The following SPACA6 variants were observed in gnomAD, a reference collection of about 807,000 sequenced individuals.
SPACA6 encodes sperm acrosome associated 6, also known as sperm acrosome membrane-associated protein 6.
For synonymous variants in SPACA6, 6 were observed against 1.5 expected (o/e 4.05, Z -2.21); for missense variants, 8 against 2.8 (o/e 2.88, Z -1.34).
chr19:51,693,232 A>G (rs1487600755), upstream of SPACA6: 8 of 646,112 alleles, frequency 1.2e-5, no homozygotes, highest in Admixed American at 1.0e-4. Context: ...CCCAGGGTCT[A>G]CCGGGCCACC....
At chr19:51,710,170 C>A (rs1225118073), downstream of SPACA6, among the ~76,000 whole-genome samples, 2 of 152,204 alleles carry the variant, frequency 1.3e-5, no homozygotes, top group Non-Finnish European at 2.9e-5. Context: ...ACAACAGCAT[C>A]ATAGAGGCCT....
intron 2 of SPACA6, among the ~76,000 whole-genome samples, chr19:51,700,652 G>T (rs1017625001): frequency 2.6e-5 from 4 of 152,182 alleles, no homozygotes; most frequent in Admixed American, 6.5e-5. Flanking sequence ...TTCTAAGACT[G>T]AGGGCCCTCT....
intron 2 of SPACA6, among the ~76,000 whole-genome samples, chr19:51,695,834 C>A (rs886689169): frequency 6.6e-6 from 1 of 152,076 alleles, no homozygotes; most frequent in African/African-American, 2.4e-5. Flanking sequence ...GGGCTGGGGC[C>A]GTGAAGGTGG....
chr19:51,689,979 G>C (rs1001599784), upstream of SPACA6, among the ~76,000 whole-genome samples: 1 of 150,774 alleles, frequency 6.6e-6, no homozygotes, highest in Non-Finnish European at 1.5e-5. Context: ...GGATGGGGCT[G>C]CGGGGCTTTG....
At chr19:51,692,642 G>A (rs776140599), upstream of SPACA6, 1 of 531,736 alleles carries the variant, frequency 1.9e-6, no homozygotes, top group East Asian at 5.5e-5. This position sits in a 1 kb window ranked among gnomAD's most constrained non-coding sequence, Gnocchi z 5.6. Context: ...ACCTTGCGGG[G>A]CCTTCGCCGC....
At position 51,704,285 on chromosome 19, in the gene SPACA6, C is replaced by A; in HGVS notation, c.746C>A (p.Pro249Gln). The change falls in exon 8 of 9, where the codon CCG (proline) becomes CAG (glutamine). Residue 249 changes from proline (P) to glutamine (Q), a missense_variant. Physicochemically the swap from Pro to Gln is moderately conservative, Grantham distance 76 (BLOSUM62 -1). Coordinates refer to ENST00000637797, the MANE Select transcript of SPACA6 (RefSeq NM_001316972.2). ...GCCCCCGCAGTGACGGGCCCGCCCC[C>A]GCGGGCGGAGACAGAGTTGCAGGCC... The part of the protein sequence containing the change: ...YFFLNVTGPP[P>Q]RAETELQASF... 6 of 400,714 alleles carry A rather than the reference C, an allele frequency of 1.5e-5. No individual in the cohort carries two copies. The highest frequency in any genetic ancestry group is 2.7e-5 in the Non-Finnish European group (6 of 225,990). The allele number at this position is 400,714 out of a possible 1,614,324, so 24.8% of individuals were successfully genotyped here.
At chr19:51,706,988 C>A (rs2122233138), downstream of SPACA6, among the ~76,000 whole-genome samples, 1 of 152,248 alleles carries the variant, frequency 6.6e-6, no homozygotes, top group South Asian at 2.1e-4. Context: ...TTTGGTTTTG[C>A]CTTTCCTACC....
At chr19:51,691,758 G>A (rs1389740155), upstream of SPACA6, among the ~76,000 whole-genome samples, 1 of 152,030 alleles carries the variant, frequency 6.6e-6, no homozygotes, top group Non-Finnish European at 1.5e-5. Flanking sequence ...TCCAGGAGGA[G>A]GGGCTGGGCA....
downstream of SPACA6, among the ~76,000 whole-genome samples, chr19:51,709,146 A>G (rs7254974): frequency 0.29 from 44,403 of 150,594 alleles, 6,686 homozygotes; most frequent in South Asian, 0.38. Context: ...TGAGCTTGAG[A>G]GGTCAAGGCT....
chr19:51,695,740 C>G (rs1397840298), intron 2 of SPACA6, among the ~76,000 whole-genome samples: 1 of 152,214 alleles, frequency 6.6e-6, no homozygotes, highest in East Asian at 1.9e-4. Flanking sequence ...TGGAAGCCTT[C>G]TGTGGGGCCG....
intron 3 of SPACA6, 167 bp from the exon 4 acceptor site, chr19:51,702,462 G>A: frequency 2.5e-6 from 1 of 392,500 alleles, no homozygotes; most frequent in Non-Finnish European, 4.5e-6. Context: ...CTTGGCCCCG[G>A]CCCCAGGTGG....
downstream of SPACA6, among the ~76,000 whole-genome samples, chr19:51,705,561 A>C (rs2083511664): frequency 6.6e-6 from 1 of 151,686 alleles, no homozygotes; most frequent in South Asian, 2.1e-4. Flanking sequence ...TAACTCCTAA[A>C]TATCTCATGA....
chr19:51,701,986 T>C (rs1441085225), intron 3 of SPACA6, among the ~76,000 whole-genome samples: 4 of 152,048 alleles, frequency 2.6e-5, no homozygotes, highest in African/African-American at 9.7e-5. Flanking sequence ...GCAGGAAAAT[T>C]GCTTGAACCC....
intron 2 of SPACA6, among the ~76,000 whole-genome samples, chr19:51,696,127 G>A (rs1400597371): frequency 6.6e-6 from 1 of 152,264 alleles, no homozygotes; most frequent in East Asian, 1.9e-4. Flanking sequence ...GGGAGCTGCA[G>A]CAGGAGTGTG....
chr19:51,691,684 G>T (rs1437644154), upstream of SPACA6, among the ~76,000 whole-genome samples: 1 of 152,074 alleles, frequency 6.6e-6, no homozygotes, highest in Admixed American at 6.6e-5. Context: ...GGGCCAGAGA[G>T]ACCTGGACTG....
intron 2 of SPACA6, among the ~76,000 whole-genome samples, chr19:51,695,507 A>T (rs1452383641): frequency 1.3e-5 from 2 of 152,146 alleles, no homozygotes; most frequent in Non-Finnish European, 2.9e-5. Context: ...CCTGTCAACA[A>T]TCCCGGAAGA....
upstream of SPACA6, among the ~76,000 whole-genome samples, chr19:51,685,003 A>G (rs2083322117): frequency 6.6e-6 from 1 of 152,196 alleles, no homozygotes; most frequent in East Asian, 1.9e-4. Context: ...GATCCCTCAC[A>G]TGGAAGGATT....
At chr19:51,692,744 C>T (rs780793985), upstream of SPACA6, 4 of 534,314 alleles carry the variant, frequency 7.5e-6, no homozygotes, top group South Asian at 5.6e-5. This position sits in a 1 kb window ranked among gnomAD's most constrained non-coding sequence, Gnocchi z 5.6. Context: ...TCCTCCTGGT[C>T]CCTGTCTGTC....
At chr19:51,692,969 C>T, upstream of SPACA6, 1 of 440,334 alleles carries the variant, frequency 2.3e-6, no homozygotes, top group South Asian at 1.6e-5. This position sits in a 1 kb window ranked among gnomAD's most constrained non-coding sequence, Gnocchi z 5.6. Flanking sequence ...GAGCCGGGCT[C>T]TTTTCTGTCC....
Sources: allele counts gnomAD v4.1 joint callset (sites outside exome capture counted in the v4.1 genomes callset), GRCh38; gene constraint gnomAD v4.1.1; non-coding constraint Gnocchi (gnomAD v3.1); transcripts MANE v1.5; gene names NCBI Gene and HGNC (gene_info 2026-07-23, HGNC 2026-07-21).